HTT-AS: variants seen among roughly 807,000 people sequenced by gnomAD.
The protein encoded by HTT-AS is HTT antisense RNA (head to head).
At chr4:3,047,661 G>A (rs1415270529), downstream of HTT-AS, among the ~76,000 whole-genome samples, 3 of 152,308 alleles carry the variant, frequency 2.0e-5, no homozygotes, top group East Asian at 5.8e-4. Context: ...GGCCAGGGGA[G>A]AGGGGCGGAG....
chr4:3,052,540 A>G (rs1276789263), intron 2 of HTT-AS, among the ~76,000 whole-genome samples: 1 of 152,268 alleles, frequency 6.6e-6, no homozygotes, highest in East Asian at 1.9e-4. Context: ...TTTGCATTGG[A>G]TTATCTACTG....
At chr4:3,060,318 C>T (rs1045707229) in intron 2 of HTT-AS, among the ~76,000 whole-genome samples, 2 of 152,096 alleles carry the variant, frequency 1.3e-5, no homozygotes, top group Non-Finnish European at 2.9e-5. Flanking sequence ...ACTACATTTA[C>T]ACATTTTAAA....
Position 3,061,197 on chromosome 4 carries a change from G to A in HTT-AS, n.1380+1237C>T, listed in dbSNP as rs914543509. Among the ~76,000 whole-genome samples, 5 of 152,254 alleles carry A rather than the reference G, an allele frequency of 3.3e-5. No homozygotes were observed. The East Asian group carries it at 5.8e-4, about 18-fold the overall frequency. On this transcript the variant is annotated intron_variant and non_coding_transcript_variant, in intron 2 of 2. Coordinates refer to ENST00000664062, the Ensembl canonical transcript of HTT-AS. The stretch of plus-strand genomic sequence containing the variant: ...CTGATGACATGTTCCCAAGATGGTC[G>A]GGGCACAGCTTGGTTTTATACATTT...
At chr4:3,058,493 G>A (rs1711852841) in intron 2 of HTT-AS, among the ~76,000 whole-genome samples, 1 of 152,138 alleles carries the variant, frequency 6.6e-6, no homozygotes, top group South Asian at 2.1e-4. Context: ...TGCCATCTTG[G>A]TTTTGGTGGG....
chr4:3,056,987 C>G lies in HTT-AS; in HGVS notation n.1380+5447G>C, dbSNP rs556209279. On this transcript the variant is annotated intron_variant and non_coding_transcript_variant, in intron 2 of 2. Coordinates refer to ENST00000664062, the Ensembl canonical transcript of HTT-AS. ...TATGAATTTGACTACTCTACATCTC[C>G]TGTCTCAGTGGAATCAGACAGCATT... 1.1e-4 allele frequency among the ~76,000 whole-genome samples: 17 copies of G among 152,270 alleles called. No homozygotes were observed. The East Asian group carries it at 3.3e-3, about 29-fold the overall frequency.
intron 1 of HTT-AS, among the ~76,000 whole-genome samples, chr4:3,073,272 G>A (rs901178167): frequency 3.3e-5 from 5 of 152,218 alleles, no homozygotes; most frequent in African/African-American, 7.2e-5. Context: ...CCCCCCGGCT[G>A]GGCGGTTGTC....
intron 2 of HTT-AS, among the ~76,000 whole-genome samples, chr4:3,053,270 C>T (rs770318063): frequency 8.5e-5 from 13 of 152,214 alleles, no homozygotes; most frequent in African/African-American, 1.2e-4. Context: ...CATTGGCTCA[C>T]GCCTATAATC....
intron 1 of HTT-AS, among the ~76,000 whole-genome samples, chr4:3,066,690 T>C (rs1712063404): frequency 6.6e-6 from 1 of 152,178 alleles, no homozygotes; most frequent in Non-Finnish European, 1.5e-5. Context: ...AACTGGAACT[T>C]GGATTAAGAT....
chr4:3,070,450 C>A (rs1020980423), intron 1 of HTT-AS, among the ~76,000 whole-genome samples: 5 of 152,008 alleles, frequency 3.3e-5, no homozygotes, highest in African/African-American at 1.2e-4. Context: ...GCCACCATGC[C>A]CGGCTAATTT....
intron 1 of HTT-AS, among the ~76,000 whole-genome samples, chr4:3,066,548 C>T (rs1363474604): frequency 6.6e-6 from 1 of 152,052 alleles, no homozygotes; most frequent in African/African-American, 2.4e-5. Flanking sequence ...AATTCCTTTC[C>T]ACTTTGGGGT....
intron 2 of HTT-AS, among the ~76,000 whole-genome samples, chr4:3,061,090 C>T (rs1711917479): frequency 6.6e-6 from 1 of 152,174 alleles, no homozygotes; most frequent in Non-Finnish European, 1.5e-5. Context: ...TCTTGATTTC[C>T]TTGGCATGAG....
intron 2 of HTT-AS, among the ~76,000 whole-genome samples, chr4:3,058,187 G>C (rs367558048): frequency 6.6e-6 from 1 of 151,934 alleles, no homozygotes; most frequent in African/African-American, 2.4e-5. Flanking sequence ...TTAGCTGGGC[G>C]TGGTGGCGCG....
intron 2 of HTT-AS, among the ~76,000 whole-genome samples, chr4:3,051,897 A>G (rs1428663977): frequency 6.6e-6 from 1 of 152,098 alleles, no homozygotes; most frequent in Non-Finnish European, 1.5e-5. Flanking sequence ...AACAAACAAA[A>G]AAACTAGATG....
chr4:3,057,535 A>G (rs1318494451), intron 2 of HTT-AS, among the ~76,000 whole-genome samples: 1 of 152,242 alleles, frequency 6.6e-6, no homozygotes, highest in Non-Finnish European at 1.5e-5. Flanking sequence ...ATAAAATGAA[A>G]GTAAGTTTAC....
chr4:3,073,734 G>A (rs1712263847), intron 1 of HTT-AS, among the ~76,000 whole-genome samples: 3 of 152,204 alleles, frequency 2.0e-5, no homozygotes, highest in Admixed American at 1.3e-4. Context: ...GTGGGGTGGG[G>A]GTCACACTTG....
At chr4:3,059,780 T>C (rs928237674) in intron 2 of HTT-AS, among the ~76,000 whole-genome samples, 1 of 151,898 alleles carries the variant, frequency 6.6e-6, no homozygotes, top group Non-Finnish European at 1.5e-5. Context: ...ACCATGTTGG[T>C]CAGGCTGGTC....
intron 1 of HTT-AS, among the ~76,000 whole-genome samples, chr4:3,064,201 T>G (rs1408008599): frequency 6.6e-6 from 1 of 151,568 alleles, no homozygotes; most frequent in Non-Finnish European, 1.5e-5. Flanking sequence ...GTTCAAGTGA[T>G]TCTCCTGCCT....
intron 1 of HTT-AS, among the ~76,000 whole-genome samples, chr4:3,063,964 G>A (rs913905343): frequency 6.6e-6 from 1 of 152,176 alleles, no homozygotes; most frequent in Non-Finnish European, 1.5e-5. Context: ...CTTCCTGGGT[G>A]AGCATCTTTT....
chr4:3,062,012 A>AAGAG lies in HTT-AS; in HGVS notation n.1380+418_1380+421dup, dbSNP rs1162557909. On this transcript the variant is annotated intron_variant and non_coding_transcript_variant, in intron 2 of 2. Transcript: ENST00000664062. Reference sequence around the variant, plus strand: ...AAAAAAAAAAAAAAAAAAAAAAAAAAAGAGAGAGAGAATATGCATCTATCT... The same window carrying AAGAG: ...AAAAAAAAAAAAAAAAAAAAAAAAAAAGAGAGAGAGAGAGAATATGCATCTATCT... Among the ~76,000 whole-genome samples the AAGAG allele has an allele frequency of 5.9e-4, 78 of 131,922 alleles. 1 individual carries two copies. The highest frequency in any genetic ancestry group is 2.4e-3 in the African/African-American group (76 of 32,118). The allele number at this position is 131,922 out of a possible 152,430, so 86.5% of individuals were successfully genotyped here.
Sources: allele counts gnomAD v4.1 joint callset (sites outside exome capture counted in the v4.1 genomes callset), GRCh38; gene constraint gnomAD v4.1.1; transcripts MANE v1.5; gene names NCBI Gene and HGNC (gene_info 2026-07-23, HGNC 2026-07-21).